Variants in FRMD4B observed in about 807,000 individuals in gnomAD.
FRMD4B encodes FERM domain containing 4B.
FRMD4B carries 74 observed loss-of-function variants against 141.5 expected under a neutral mutation model. The observed-to-expected ratio is 0.52, with a 90% confidence interval of 0.43 to 0.63. The LOEUF is 0.63. Among genes scored for constraint, FRMD4B ranks in the 30% least tolerant of loss-of-function variants. FRMD4B has a pLI of 0.00. For missense variants in FRMD4B, 1,366 were observed against 1,253.4 expected (o/e 1.09, Z -1.36); for synonymous variants, 506 against 467.9 (o/e 1.08, Z -1.05).
chr3:69,316,631 T>G (rs1240100323), intron 1 of FRMD4B, among the ~76,000 whole-genome samples: 3 of 152,082 alleles, frequency 2.0e-5, no homozygotes, highest in East Asian at 3.8e-4. Context: ...TAAATAAATG[T>G]GTCAGTTTAA....
At chr3:69,222,773 A>AAAAAAAAAAC (rs1553704544) in intron 8 of FRMD4B, among the ~76,000 whole-genome samples, 1 of 151,914 alleles carries the variant, frequency 6.6e-6, no homozygotes, top group Non-Finnish European at 1.5e-5. Context: ...CTCCATCACA[A>AAAAAAAAAAC]AAACAAAAAA....
intron 1 of FRMD4B, among the ~76,000 whole-genome samples, chr3:69,319,546 A>C (rs138421294): frequency 6.6e-6 from 1 of 152,342 alleles, no homozygotes; most frequent in Admixed American, 6.5e-5. Flanking sequence ...GAAATAAAGA[A>C]AGAGAAGGAA....
At chr3:69,287,024 C>G (rs1163232296) in intron 5 of FRMD4B, among the ~76,000 whole-genome samples, 1 of 152,092 alleles carries the variant, frequency 6.6e-6, no homozygotes, top group Non-Finnish European at 1.5e-5. Flanking sequence ...AGGCTGGTCT[C>G]GAACTACTGA....
chr3:69,439,057 GTGTA>G (rs1210801143), intron 1 of FRMD4B, among the ~76,000 whole-genome samples: 7 of 46,920 alleles, frequency 1.5e-4, no homozygotes, highest in East Asian at 1.3e-3. Flanking sequence ...GTGCGTGTGT[GTGTA>G]TGTGTGTGTG....
chr3:69,468,178 G>A (rs530046224), intron 1 of FRMD4B, among the ~76,000 whole-genome samples: 2 of 152,064 alleles, frequency 1.3e-5, no homozygotes, highest in African/African-American at 4.8e-5. Context: ...TTAAATTACA[G>A]GTCATTTCAG....
intron 1 of FRMD4B, among the ~76,000 whole-genome samples, chr3:69,354,765 TC>T (rs1703264166): frequency 6.6e-6 from 1 of 152,110 alleles, no homozygotes. Flanking sequence ...TTCAGATCCT[TC>T]TAAAGACTCT....
intron 11 of FRMD4B, among the ~76,000 whole-genome samples, chr3:69,215,965 C>T (rs1206787934): frequency 6.6e-6 from 1 of 152,020 alleles, no homozygotes; most frequent in Admixed American, 6.5e-5. Context: ...ACCAGCCTGG[C>T]CAACATGGCA....
intron 1 of FRMD4B, among the ~76,000 whole-genome samples, chr3:69,457,392 T>A (rs1351318419): frequency 1.3e-5 from 2 of 152,232 alleles, no homozygotes; most frequent in African/African-American, 4.8e-5. Flanking sequence ...CATGCTTTAC[T>A]TTTGTAATAA....
At chr3:69,244,784 C>G (rs897499640) in intron 7 of FRMD4B, among the ~76,000 whole-genome samples, 1 of 152,058 alleles carries the variant, frequency 6.6e-6, no homozygotes. Flanking sequence ...ATCCCAGTTA[C>G]TTGGGAGGCT....
intron 1 of FRMD4B, among the ~76,000 whole-genome samples, chr3:69,491,331 T>C (rs112144119): frequency 2.0e-5 from 3 of 151,908 alleles, no homozygotes; most frequent in South Asian, 2.1e-4. Context: ...CTGCAAAGCA[T>C]CTAGCCCTTC....
Position 69,221,733 on chromosome 3 carries a change from C to T in FRMD4B, c.731+125G>A, listed in dbSNP as rs967839237. 1.4e-5 allele frequency: 9 copies of T among 660,740 alleles called. No individual in the cohort carries two copies. The African/African-American group carries it at 1.4e-4, about 11-fold the overall frequency. The allele number at this position is 660,740 out of a possible 1,614,324, so 40.9% of individuals were successfully genotyped here. The stretch of plus-strand genomic sequence containing the variant: ...ATGACCGAAGACATTTTCTAATTCA[C>T]AGTAAGATATTTCTAACCAGATAAG... On this transcript the variant is annotated intron_variant, in intron 9 of 22. Transcript: ENST00000398540.
chr3:69,334,295 C>T (rs1260595644), intron 1 of FRMD4B: 1 of 151,990 alleles, frequency 6.6e-6, no homozygotes, highest in African/African-American at 2.4e-5. Flanking sequence ...CTGAGGTCCC[C>T]CTCCCTCTCT....
intron 1 of FRMD4B, among the ~76,000 whole-genome samples, chr3:69,515,189 T>C (rs1700731966): frequency 6.6e-6 from 1 of 152,118 alleles, no homozygotes; most frequent in African/African-American, 2.4e-5. Context: ...TTTAAAGAGA[T>C]AGATCTCTCA....
chr3:69,423,895 C>T (rs1172055556), intron 2 of FRMD4B, among the ~76,000 whole-genome samples: 2 of 152,120 alleles, frequency 1.3e-5, no homozygotes, highest in African/African-American at 2.4e-5. Context: ...ATTTCCCAGG[C>T]TCCAGAACTG....
intron 5 of FRMD4B, among the ~76,000 whole-genome samples, chr3:69,282,632 T>C (rs1270808518): frequency 6.6e-6 from 1 of 152,184 alleles, no homozygotes; most frequent in East Asian, 1.9e-4. Flanking sequence ...TTACCAGCCA[T>C]CTACATTTTA....
intron 1 of FRMD4B, among the ~76,000 whole-genome samples, chr3:69,475,326 A>G (rs1359757242): frequency 6.6e-6 from 1 of 151,916 alleles, no homozygotes; most frequent in Non-Finnish European, 1.5e-5. Flanking sequence ...ATTTAGCATT[A>G]GGTATATCTC....
intron 1 of FRMD4B, among the ~76,000 whole-genome samples, chr3:69,457,257 A>G (rs1170735263): frequency 6.6e-6 from 1 of 152,224 alleles, no homozygotes; most frequent in Non-Finnish European, 1.5e-5. Context: ...ATATTTTTGT[A>G]ATGTCTGGAT....
At chr3:69,203,749 G>A (rs1248368527) in intron 11 of FRMD4B, among the ~76,000 whole-genome samples, 2 of 152,166 alleles carry the variant, frequency 1.3e-5, no homozygotes, top group Non-Finnish European at 2.9e-5. Flanking sequence ...TCAGCCCAAC[G>A]CCTGGCTCAG....
chr3:69,274,813 C>G (rs951048663), intron 5 of FRMD4B, among the ~76,000 whole-genome samples: 1 of 152,180 alleles, frequency 6.6e-6, no homozygotes, highest in Non-Finnish European at 1.5e-5. Flanking sequence ...GCCACTGCAC[C>G]CAGCCTATTT....
Sources: allele counts gnomAD v4.1 joint callset (sites outside exome capture counted in the v4.1 genomes callset), GRCh38; gene constraint gnomAD v4.1.1; transcripts MANE v1.5; gene names NCBI Gene and HGNC (gene_info 2026-07-23, HGNC 2026-07-21).